Variants in ASTN1 observed in about 807,000 individuals in gnomAD.
The protein encoded by ASTN1 is astrotactin 1, also known as astrotactin-1.
ASTN1 carries 41 observed loss-of-function variants against 140.7 expected under a neutral mutation model. The ratio of observed to expected loss-of-function variants is 0.29; its 90% CI spans 0.23 to 0.38. The LOEUF is 0.38. Ranked by LOEUF, ASTN1 falls within the 10% of genes least tolerant of loss-of-function variation. The pLI is 1.00. For synonymous variants in ASTN1, 640 were observed against 652.2 expected (o/e 0.98, Z 0.29); for missense variants, 1,479 against 1,678.8 (o/e 0.88, Z 2.08).
intron 8 of ASTN1, among the ~76,000 whole-genome samples, chr1:176,979,600 G>C (rs1313793959): frequency 2.6e-5 from 4 of 152,142 alleles, no homozygotes; most frequent in African/African-American, 9.7e-5. Context: ...CAGAGCGTTA[G>C]TCCCTCGAGG....
At chr1:176,870,129 A>G (rs1054556384) in intron 21 of ASTN1, among the ~76,000 whole-genome samples, 1 of 152,232 alleles carries the variant, frequency 6.6e-6, no homozygotes, top group Non-Finnish European at 1.5e-5. Context: ...GTAGTTCATC[A>G]TTAAATATTT....
At chr1:176,997,137 T>C (rs1674493104) in intron 8 of ASTN1, among the ~76,000 whole-genome samples, 2 of 152,124 alleles carry the variant, frequency 1.3e-5, no homozygotes, top group Non-Finnish European at 2.9e-5. Context: ...AATCATCTGA[T>C]TGCATTGCCA....
chr1:176,952,873 T>G (rs1190821676), intron 11 of ASTN1, among the ~76,000 whole-genome samples: 1 of 152,214 alleles, frequency 6.6e-6, no homozygotes, highest in Non-Finnish European at 1.5e-5. Context: ...AGGTCATATA[T>G]TAACCCTTCT....
chr1:176,959,619 C>T lies in ASTN1; in HGVS notation c.1599-1137G>A, dbSNP rs1672567974. The stretch of plus-strand genomic sequence containing the variant: ...GAGCAGCCAAGCCACATGATTTCTG[C>T]CTACACCCTGAAAGAGAGTCCTGGG... On this transcript the variant is annotated intron_variant, in intron 9 of 22. Coordinates refer to ENST00000361833, the MANE Select transcript of ASTN1 (RefSeq NM_004319.3). 1.3e-5 allele frequency among the ~76,000 whole-genome samples: 2 copies of T among 152,144 alleles called. 1 individual carries two copies. Among genetic ancestry groups the T allele is most frequent in the South Asian group, 4.2e-4 (2 of 4,816 alleles).
At chr1:177,086,926 T>TA (rs1281091203) in intron 1 of ASTN1, among the ~76,000 whole-genome samples, 1 of 152,242 alleles carries the variant, frequency 6.6e-6, no homozygotes, top group Admixed American at 6.5e-5. Flanking sequence ...CTTTGGGTGT[T>TA]TTGTTTGTCA....
intron 16 of ASTN1, among the ~76,000 whole-genome samples, chr1:176,905,617 C>T (rs1296119951): frequency 6.6e-6 from 1 of 152,132 alleles, no homozygotes; most frequent in Non-Finnish European, 1.5e-5. Context: ...ATTTATGCTG[C>T]TTCCCTGCCT....
chr1:177,005,894 C>A (rs1674971993), intron 8 of ASTN1, among the ~76,000 whole-genome samples: 1 of 152,192 alleles, frequency 6.6e-6, no homozygotes, highest in Non-Finnish European at 1.5e-5. Context: ...CAAGCGTGAG[C>A]CACCGTGCCC....
At chr1:177,061,600 G>T (rs1678095301) in intron 1 of ASTN1, among the ~76,000 whole-genome samples, 1 of 152,082 alleles carries the variant, frequency 6.6e-6, no homozygotes, top group African/African-American at 2.4e-5. Flanking sequence ...GATACCTCCC[G>T]AGGTAAATAC....
chr1:176,873,320 C>G (rs1229980690), intron 21 of ASTN1, among the ~76,000 whole-genome samples: 1 of 152,174 alleles, frequency 6.6e-6, no homozygotes, highest in East Asian at 1.9e-4. Context: ...GAGGGTTGAT[C>G]TCATTACTCA....
intron 8 of ASTN1, among the ~76,000 whole-genome samples, chr1:177,011,562 T>C (rs917901770): frequency 6.8e-6 from 1 of 148,012 alleles, no homozygotes; most frequent in Non-Finnish European, 1.5e-5. Flanking sequence ...GTCATGCACA[T>C]ACACACACAC....
intron 16 of ASTN1, among the ~76,000 whole-genome samples, chr1:176,908,792 G>A (rs867052614): frequency 5.9e-5 from 9 of 151,998 alleles, no homozygotes; most frequent in Admixed American, 5.2e-4. Context: ...GTACAGTCTT[G>A]GCAACCAGAA....
intron 2 of ASTN1, among the ~76,000 whole-genome samples, chr1:177,048,561 A>G (rs1677367250): frequency 6.6e-6 from 1 of 152,152 alleles, no homozygotes; most frequent in South Asian, 2.1e-4. Flanking sequence ...GCTTTACCTG[A>G]GTCATTTTAG....
intron 1 of ASTN1, among the ~76,000 whole-genome samples, chr1:177,126,596 G>A (rs227505): frequency 6.0e-4 from 91 of 152,080 alleles, no homozygotes; most frequent in African/African-American, 1.9e-3. Context: ...TTCCATGGAC[G>A]GCCCCAAAGA....
chr1:176,934,244 G>C lies in ASTN1; in HGVS notation c.2579C>G (p.Ala860Gly). 6.2e-7 allele frequency: 1 copy of C among 1,614,078 alleles called. No homozygotes were observed. Among genetic ancestry groups the C allele is most frequent in the Non-Finnish European group, 8.5e-7 (1 of 1,179,970 alleles). ...DQFGNHYIQE[A>G]IYGFEESCSI... ...ACAGGACTCCTCAAAGCCGTAGATA[G>C]CTTCCTGGATGTAATGGTTGCCGAA... is the stretch of plus-strand genomic sequence containing the variant. The change falls in exon 16 of 23, where the codon GCT becomes GGT. Residue 860 changes from alanine (A) to glycine (G), a missense_variant. Physicochemically the swap from Ala to Gly is moderately conservative, Grantham distance 60. This residue lies in a region of ASTN1 where 746 missense variants were observed against 800.9 expected (regional missense o/e 0.93). Coordinates refer to ENST00000361833, the MANE Select transcript of ASTN1 (RefSeq NM_004319.3).
intron 8 of ASTN1, among the ~76,000 whole-genome samples, chr1:176,999,640 G>GAT (rs1674622520): frequency 6.6e-6 from 1 of 152,134 alleles, no homozygotes; most frequent in African/African-American, 2.4e-5. Flanking sequence ...GACTGAAGGT[G>GAT]ATATGGTTTG....
At position 176,956,822 on chromosome 1, in the gene ASTN1, C is replaced by T. The variant is rs559191699; in HGVS notation, c.1887+856G>A. On this transcript the variant is annotated intron_variant, in intron 11 of 22. Coordinates refer to ENST00000361833, the MANE Select transcript of ASTN1 (RefSeq NM_004319.3). The stretch of plus-strand genomic sequence containing the variant: ...CTCCTGCCTCCATTTCCCTGCATGG[C>T]GCAGTTCAGTCTTCACATCCATGAT... 6.6e-5 allele frequency among the ~76,000 whole-genome samples: 10 copies of T among 152,342 alleles called. No homozygotes were observed. In the East Asian group the frequency reaches 9.7e-4, roughly 15 times the overall value.
intron 8 of ASTN1, among the ~76,000 whole-genome samples, chr1:176,975,308 G>C (rs1319595477): frequency 2.0e-5 from 3 of 152,192 alleles, no homozygotes; most frequent in Admixed American, 2.0e-4. Flanking sequence ...GGTGAACAAG[G>C]GTTCAGCAAG....
chr1:177,155,041 T>C (rs1266995988), intron 1 of ASTN1, among the ~76,000 whole-genome samples: 1 of 152,168 alleles, frequency 6.6e-6, no homozygotes, highest in African/African-American at 2.4e-5. Flanking sequence ...AACTGAGCTA[T>C]CAAGCCATGA....
At chr1:176,899,009 G>A (rs1054453223) in intron 16 of ASTN1, among the ~76,000 whole-genome samples, 8 of 152,124 alleles carry the variant, frequency 5.3e-5, no homozygotes, top group African/African-American at 1.9e-4. Context: ...ACCTCTGTTT[G>A]CAGAATTCAC....
Sources: allele counts gnomAD v4.1 joint callset (sites outside exome capture counted in the v4.1 genomes callset), GRCh38; gene constraint gnomAD v4.1.1; regional missense constraint gnomAD v4.1.1; transcripts MANE v1.5; gene names NCBI Gene and HGNC (gene_info 2026-07-23, HGNC 2026-07-21).